The following EPHA10 variants were observed in gnomAD, a reference collection of about 807,000 sequenced individuals.
The protein encoded by EPHA10 is ephrin type-A receptor 10.
Under a neutral mutation model 109.7 loss-of-function variants are expected in EPHA10, and 120 were observed. The ratio of observed to expected loss-of-function variants is 1.09; its 90% CI spans 0.94 to 1.27. EPHA10 has a LOEUF of 1.27. Among genes scored for constraint, EPHA10 ranks in the 50% most tolerant of loss-of-function variants. The probability of loss-of-function intolerance (pLI) is 0.00; values close to 1 mark genes in which losing one functional copy is unlikely to be tolerated. For synonymous variants in EPHA10, 640 were observed against 618.9 expected (o/e 1.03, Z -0.51); for missense variants, 1,396 against 1,411.1 (o/e 0.99, Z 0.17).
At chr1:37,718,917 G>A in intron 15 of EPHA10, 101 bp from the exon 16 acceptor site, 2 of 1,440,430 alleles carry the variant, frequency 1.4e-6, no homozygotes, top group Non-Finnish European at 1.8e-6. Flanking sequence ...AGGAGAAGGG[G>A]AGGGTAACCG....
Position 37,764,303 on chromosome 1 carries a change from T to C in EPHA10, c.106+658A>G, listed in dbSNP as rs938804167. The stretch of plus-strand genomic sequence containing the variant: ...CGCGGTCAACGCCTCAGATTCCAGC[T>C]CCTCCGGATTCTGCACCTAGATATG... On this transcript the variant is annotated intron_variant, in intron 1 of 16. Transcript: ENST00000373048. This position sits in a 1 kb window ranked among gnomAD's most constrained non-coding sequence, Gnocchi z 5.8. Among the ~76,000 whole-genome samples, 10 of 152,046 alleles carry C rather than the reference T, an allele frequency of 6.6e-5. No individual in the cohort carries two copies. The highest frequency in any genetic ancestry group is 5.2e-4 in the Admixed American group (8 of 15,266).
At chr1:37,734,680 C>G in intron 6 of EPHA10, 1 of 454,302 alleles carries the variant, frequency 2.2e-6, no homozygotes, top group South Asian at 1.6e-5. Flanking sequence ...AAAATCAGCA[C>G]AAGTATCCTA....
In EPHA10 at chr1:37,718,189, C is replaced by T; in HGVS notation, c.*183G>A. ...CACTGAGTTAGCCAAGGCGTTCAGA[C>T]TCGTGAAAATGGGAGGGGCAGGCAG... On this transcript the variant is annotated 3_prime_UTR_variant, in exon 17 of 17. Coordinates refer to ENST00000373048, the MANE Select transcript of EPHA10 (RefSeq NM_001099439.2). The T allele has an allele frequency of 1.6e-6, 1 of 609,282 alleles. No homozygotes were observed. The allele number at this position is 609,282 out of a possible 1,614,324, so 37.7% of individuals were successfully genotyped here.
At chr1:37,729,520 C>T (rs1484527704) in intron 7 of EPHA10, among the ~76,000 whole-genome samples, 1 of 151,922 alleles carries the variant, frequency 6.6e-6, no homozygotes, top group East Asian at 1.9e-4. Context: ...CCCAGGAGTT[C>T]GAGACCAGCC....
In EPHA10 at chr1:37,716,812, T is replaced by C. The variant is rs1645700467; in HGVS notation, c.*1560A>G. On this transcript the variant is annotated 3_prime_UTR_variant, in exon 17 of 17. Transcript: ENST00000373048. Reference sequence around the variant, plus strand: ...TCCCACCTGCAAGGCCCTGTTCAACTTACATCTCAACTTCACACATTAAGA... The same window carrying C: ...TCCCACCTGCAAGGCCCTGTTCAACCTACATCTCAACTTCACACATTAAGA... 1.3e-5 allele frequency: 3 copies of C among 232,714 alleles called. No homozygotes were observed. The highest frequency in any genetic ancestry group is 1.7e-5 in the Non-Finnish European group (2 of 117,822). The allele number at this position is 232,714 out of a possible 1,614,324, so 14.4% of individuals were successfully genotyped here. A position where few individuals can be genotyped will look rare whatever the true frequency, so the allele number is the denominator to read the frequency against.
chr1:37,720,815 T>G lies in EPHA10; in HGVS notation c.2176A>C (p.Met726Leu). 1 of 1,614,080 alleles carries G rather than the reference T, an allele frequency of 6.2e-7. No individual in the cohort carries two copies. Among genetic ancestry groups the G allele is most frequent in the Non-Finnish European group, 8.5e-7 (1 of 1,180,004 alleles). The stretch of plus-strand genomic sequence containing the variant: ...AAGCCGTCCAGGGCCCCATGGCTCA[T>G]GTACTCGGTGACAATCATCAAGGTG... ...GSTLMIVTEY[M>L]SHGALDGFLR... Residue 726 changes from methionine to leucine, a missense_variant, in exon 12 of 17, where the codon ATG becomes CTG. Coordinates refer to ENST00000373048, the MANE Select transcript of EPHA10 (RefSeq NM_001099439.2).
rs1646433921 is a variant in EPHA10 at position 37,761,753 on chromosome 1, C to T, written c.502G>A (p.Glu168Lys). 1 of 1,613,866 alleles carries T rather than the reference C, an allele frequency of 6.2e-7. No individual in the cohort carries two copies. The highest frequency in any genetic ancestry group is 8.5e-7 in the Non-Finnish European group (1 of 1,179,864). ...DESFTQGDLG[E>K]RKMKLNTEVR... ...TCTGTGTTCAGCTTCATCTTGCGCTCACCCAGGTCGCCCTGCGTGAAGCTC... is the reference window on the plus strand; with the variant it reads ...TCTGTGTTCAGCTTCATCTTGCGCTTACCCAGGTCGCCCTGCGTGAAGCTC... Residue 168 changes from glutamate to lysine, a missense_variant, in exon 3 of 17, where the codon GAG becomes AAG. Coordinates refer to ENST00000373048, the MANE Select transcript of EPHA10 (RefSeq NM_001099439.2).
Position 37,749,850 on chromosome 1 carries a change from G to A in EPHA10, c.1357+3026C>T, listed in dbSNP as rs143566593. ...ACCTAGACAGCATAGCCTATGACAC[G>A]CCTAGGCTACAACCTGTACAGCCTG... On this transcript the variant is annotated intron_variant, in intron 5 of 16. Coordinates refer to ENST00000373048, the MANE Select transcript of EPHA10 (RefSeq NM_001099439.2). 1.1e-4 allele frequency among the ~76,000 whole-genome samples: 16 copies of A among 152,164 alleles called. No homozygotes were observed. In the East Asian group the frequency reaches 1.7e-3, roughly 17 times the overall value.
At chr1:37,736,808 A>G (rs1646079311) in intron 5 of EPHA10, among the ~76,000 whole-genome samples, 1 of 152,244 alleles carries the variant, frequency 6.6e-6, no homozygotes, top group African/African-American at 2.4e-5. Flanking sequence ...ATACACAATG[A>G]ACAATTCAAA....
At chr1:37,720,762 G>T in intron 12 of EPHA10, 21 bp downstream of exon 12, 3 of 1,613,586 alleles carry the variant, frequency 1.9e-6, no homozygotes, top group Middle Eastern at 3.3e-4. Flanking sequence ...AGTGGTCATT[G>T]GCAGCCCCAG....
chr1:37,749,529 C>T (rs781308929), intron 5 of EPHA10, among the ~76,000 whole-genome samples: 13 of 151,780 alleles, frequency 8.6e-5, no homozygotes, highest in Non-Finnish European at 1.6e-4. Flanking sequence ...AAAAATTAGC[C>T]GGTTGTGGTG....
At chr1:37,753,425 G>A (rs1250586923) in intron 4 of EPHA10, among the ~76,000 whole-genome samples, 199 bp from the exon 5 acceptor site, 4 of 151,926 alleles carry the variant, frequency 2.6e-5, no homozygotes, top group African/African-American at 9.7e-5. Flanking sequence ...GGACAGGAGA[G>A]ACAGTGGCAT....
chr1:37,754,497 T>A lies in EPHA10; in HGVS notation c.851-127A>T. 1.1e-6 allele frequency: 1 copy of A among 890,382 alleles called. No individual in the cohort carries two copies. The highest frequency in any genetic ancestry group is 5.4e-5 in the South Asian group (1 of 18,626). The allele number at this position is 890,382 out of a possible 1,614,324, so 55.2% of individuals were successfully genotyped here. A position where few individuals can be genotyped will look rare whatever the true frequency, so the allele number is the denominator to read the frequency against. ...AAAAACAGTCAGGGGACTCAGCCAC[T>A]CCAGTCAGCACTGCCCCGTGGAGTG... On this transcript the variant is annotated intron_variant, in intron 3 of 16. Coordinates refer to ENST00000373048, the MANE Select transcript of EPHA10 (RefSeq NM_001099439.2). The surrounding 1 kb of genome is among the most constrained non-coding windows in gnomAD (Gnocchi z 4.5).
intron 1 of EPHA10, among the ~76,000 whole-genome samples, chr1:37,763,433 T>A (rs1646450299): frequency 6.6e-6 from 1 of 152,162 alleles, no homozygotes; most frequent in Non-Finnish European, 1.5e-5. Flanking sequence ...TAAAACAACC[T>A]CTCCATCTCA....
At chr1:37,758,937 C>G (rs1290867168) in intron 3 of EPHA10, among the ~76,000 whole-genome samples, 2 of 152,174 alleles carry the variant, frequency 1.3e-5, no homozygotes, top group African/African-American at 2.4e-5. Context: ...TCAAAGGGGA[C>G]TCCTTTCTCC....
rs750033198 is a variant in EPHA10 at position 37,716,379 on chromosome 1, T to C, written c.*1993A>G. The C allele has an allele frequency of 8.0e-5, 19 of 237,764 alleles. No individual in the cohort carries two copies. In the Middle Eastern group the frequency reaches 4.8e-3, roughly 60 times the overall value. 14.7% of individuals were successfully genotyped at this position (237,764 alleles called of 1,614,324 possible). A position where few individuals can be genotyped will look rare whatever the true frequency, so the allele number is the denominator to read the frequency against. On this transcript the variant is annotated 3_prime_UTR_variant, in exon 17 of 17. Coordinates refer to ENST00000373048, the MANE Select transcript of EPHA10 (RefSeq NM_001099439.2). ...AGCTGGAGATGAGGACGAGGCTCCA[T>C]CCACCCAAGAAGGGATGCTGGTCCA...
Position 37,720,382 on chromosome 1 carries a change from C to T in EPHA10, c.2381G>A (p.Arg794Gln), listed in dbSNP as rs757204463. 2.8e-5 allele frequency: 45 copies of T among 1,612,118 alleles called. No homozygotes were observed. The highest frequency in any genetic ancestry group is 1.7e-4 in the Middle Eastern group (1 of 6,008). Residue 794 changes from arginine to glutamine, a missense_variant, in exon 13 of 17, where the codon CGG becomes CAG. Physicochemically the swap from Arg to Gln is conservative, Grantham distance 43. Transcript: ENST00000373048. ...GGTGTAGACAGCCTCTGATCGGTCC[C>T]GGGGGCCCCGCCCGAAGCCAGAGAT... ...CKISGFGRGP[R>Q]DRSEAVYTTM...
chr1:37,740,723 G>C (rs571525106), intron 5 of EPHA10, among the ~76,000 whole-genome samples: 6 of 151,760 alleles, frequency 4.0e-5, no homozygotes, highest in Admixed American at 2.0e-4. Flanking sequence ...ATATACGGGA[G>C]ATAATAAGGC....
At chr1:37,748,916 ATCT>A (rs1320344089) in intron 5 of EPHA10, among the ~76,000 whole-genome samples, 2 of 106,924 alleles carry the variant, frequency 1.9e-5, no homozygotes, top group African/African-American at 6.6e-5. Flanking sequence ...CTTTCTTTTC[ATCT>A]TTTTTTTTTT....
Sources: allele counts gnomAD v4.1 joint callset (sites outside exome capture counted in the v4.1 genomes callset), GRCh38; gene constraint gnomAD v4.1.1; non-coding constraint Gnocchi (gnomAD v3.1); transcripts MANE v1.5; gene names NCBI Gene and HGNC (gene_info 2026-07-23, HGNC 2026-07-21).